Variants in KCNJ15 observed in about 807,000 individuals in gnomAD.
KCNJ15 encodes the protein ATP-sensitive inward rectifier potassium channel 15.
In KCNJ15, 14 loss-of-function variants were observed where a neutral mutation model predicts 23.0. That is an observed-to-expected ratio of 0.61 (90% CI 0.40 to 0.95). KCNJ15 has a LOEUF of 0.95. Among genes scored for constraint, KCNJ15 ranks in the 40% least tolerant of loss-of-function variants. The probability of loss-of-function intolerance (pLI) is 0.00; values close to 1 mark genes in which losing one functional copy is unlikely to be tolerated. For synonymous variants in KCNJ15, 185 were observed against 183.2 expected, an observed-to-expected ratio of 1.01 and a Z score of -0.08; for missense variants, 388 against 461.8, an observed-to-expected ratio of 0.84 and a Z score of 1.46.
chr21:38,261,926 G>A (rs769992374), intron 1 of KCNJ15, among the ~76,000 whole-genome samples: 3 of 152,118 alleles, frequency 2.0e-5, no homozygotes, highest in Non-Finnish European at 2.9e-5. Context: ...TTCTATTAAC[G>A]CTGTTTCCAA....
intron 1 of KCNJ15, among the ~76,000 whole-genome samples, chr21:38,273,455 A>G (rs1018372800): frequency 6.6e-6 from 1 of 152,206 alleles, no homozygotes; most frequent in Non-Finnish European, 1.5e-5. Context: ...CTTTTCTCCC[A>G]ATGTTCAGAA....
intron 1 of KCNJ15, among the ~76,000 whole-genome samples, chr21:38,241,897 A>G (rs1393281407): frequency 1.4e-5 from 2 of 146,422 alleles, no homozygotes; most frequent in Non-Finnish European, 3.0e-5. Context: ...TGAACCAGGG[A>G]GGTGGAAGTT....
intron 1 of KCNJ15, chr21:38,268,995 G>A (rs1214988483): frequency 6.6e-6 from 1 of 152,132 alleles, no homozygotes; most frequent in Non-Finnish European, 1.5e-5. Context: ...ATGGGCTGAG[G>A]GATCCTCCAC....
chr21:38,288,179 T>G (rs1443583413), intron 1 of KCNJ15, among the ~76,000 whole-genome samples: 1 of 151,380 alleles, frequency 6.6e-6, no homozygotes, highest in African/African-American at 2.4e-5. Flanking sequence ...CAGCTGGGAC[T>G]ACAGGCACCT....
At position 38,259,200 on chromosome 21, in the gene KCNJ15, T is replaced by C. The variant is rs150591642; in HGVS notation, c.-117+2015T>C. Among the ~76,000 whole-genome samples, 15 of 152,294 alleles carry C rather than the reference T, an allele frequency of 9.8e-5. No homozygotes were observed. In the East Asian group the frequency reaches 2.9e-3, roughly 29 times the overall value. ...CCTGTGCAATCCCCTCTCATCTGTT[T>C]AGAGACTCAAAGCAGCCCACGAAGT... On this transcript the variant is annotated intron_variant, in intron 1 of 2. Coordinates refer to ENST00000398938, the MANE Select transcript of KCNJ15 (RefSeq NM_170736.3).
At chr21:38,266,940 C>T (rs1367749332) in intron 1 of KCNJ15, among the ~76,000 whole-genome samples, 1 of 152,180 alleles carries the variant, frequency 6.6e-6, no homozygotes, top group Non-Finnish European at 1.5e-5. Context: ...AATGAGAAGT[C>T]ATTGAATATT....
chr21:38,296,773 C>T (rs1209560530), intron 1 of KCNJ15, 153 bp from the exon 2 acceptor site: 2 of 152,874 alleles, frequency 1.3e-5, no homozygotes, highest in African/African-American at 2.4e-5. Flanking sequence ...TAAATCGTTC[C>T]TTGAACCTTT....
intron 1 of KCNJ15, among the ~76,000 whole-genome samples, chr21:38,283,014 G>C (rs116475169): frequency 0.013 from 2,015 of 152,236 alleles, 64 homozygotes; most frequent in African/African-American, 0.047. Flanking sequence ...CAAAGGTATA[G>C]GGCAGGATAT....
intron 1 of KCNJ15, among the ~76,000 whole-genome samples, chr21:38,286,370 C>T (rs1157364092): frequency 6.6e-6 from 1 of 152,258 alleles, no homozygotes. Context: ...CTGTTATTTC[C>T]CCCTCTGTTT....
rs1403737291 is a variant in KCNJ15, at chr21:38,301,422, T to C, written c.*1033T>C. 6.0e-6 allele frequency: 1 copy of C among 167,092 alleles called. No individual in the cohort carries two copies. The highest frequency in any genetic ancestry group is 6.5e-5 in the Admixed American group (1 of 15,288). 10.4% of individuals were successfully genotyped at this position (167,092 alleles called of 1,614,324 possible). A position where few individuals can be genotyped will look rare whatever the true frequency, so the allele number is the denominator to read the frequency against. On this transcript the variant is annotated 3_prime_UTR_variant, in exon 3 of 3. Transcript: ENST00000398938. Reference sequence around the variant, plus strand: ...TCATTTCTTATCTATTAAAATGGCTTGCCCATAAAGGAACTGCATAGGATT... The same window carrying C: ...TCATTTCTTATCTATTAAAATGGCTCGCCCATAAAGGAACTGCATAGGATT...
rs1029888398 is a variant in KCNJ15, at chr21:38,304,087, T to C, written c.*3698T>C. 2 of 151,530 alleles carry C rather than the reference T, an allele frequency of 1.3e-5. No individual in the cohort carries two copies. The highest frequency in any genetic ancestry group is 4.8e-5 in the African/African-American group (2 of 41,332). The allele number at this position is 151,530 out of a possible 1,614,324, so 9.4% of individuals were successfully genotyped here. A position where few individuals can be genotyped will look rare whatever the true frequency, so the allele number is the denominator to read the frequency against. Reference sequence around the variant, plus strand: ...TTTTTTTTTGAACTTGAAAATCAGCTTTTTATTTTTTTTAATTTTATTATT... The same window carrying C: ...TTTTTTTTTGAACTTGAAAATCAGCCTTTTATTTTTTTTAATTTTATTATT... On this transcript the variant is annotated 3_prime_UTR_variant, in exon 3 of 3. Coordinates refer to ENST00000398938, the MANE Select transcript of KCNJ15 (RefSeq NM_170736.3).
chr21:38,248,780 G>A (rs909150266), intron 1 of KCNJ15, among the ~76,000 whole-genome samples: 7 of 152,144 alleles, frequency 4.6e-5, no homozygotes, highest in Non-Finnish European at 1.0e-4. Flanking sequence ...CTCCCTGTCT[G>A]AGTGCAACCA....
intron 1 of KCNJ15, chr21:38,238,688 C>G (rs1234696114): frequency 2.1e-6 from 1 of 471,844 alleles, no homozygotes; most frequent in Non-Finnish European, 4.0e-6. Flanking sequence ...GTTTTAAACT[C>G]TAGGAGGAAT....
intron 1 of KCNJ15, among the ~76,000 whole-genome samples, chr21:38,264,603 A>T (rs1250091812): frequency 3.9e-5 from 6 of 152,252 alleles, no homozygotes; most frequent in Non-Finnish European, 1.5e-5. Flanking sequence ...TTACATCTTT[A>T]CTTTCACCAT....
In KCNJ15 at chr21:38,300,099, G is replaced by C; in HGVS notation, c.838G>C (p.Val280Leu). Residue 280 changes from valine to leucine, a missense_variant, in exon 3 of 3, where the codon GTG (valine) becomes CTG (leucine). Coordinates refer to ENST00000398938, the MANE Select transcript of KCNJ15 (RefSeq NM_170736.3). ...QNLKEKEFELVVLLNATVEST... is the reference protein window; with the variant it reads ...QNLKEKEFELLVLLNATVEST... ...CCTAAAGGAGAAGGAGTTTGAGCTT[G>C]TGGTCCTCCTCAATGCCACTGTGGA... 6.2e-7 allele frequency: 1 copy of C among 1,614,196 alleles called. No individual in the cohort carries two copies. Among genetic ancestry groups the C allele is most frequent in the Non-Finnish European group, 8.5e-7 (1 of 1,180,040 alleles).
chr21:38,258,228 G>A (rs979091923), intron 1 of KCNJ15, among the ~76,000 whole-genome samples: 7 of 152,010 alleles, frequency 4.6e-5, no homozygotes, highest in Non-Finnish European at 7.4e-5. Flanking sequence ...TGAAACAATC[G>A]GTAGTAATAG....
intron 1 of KCNJ15, among the ~76,000 whole-genome samples, chr21:38,291,197 T>C (rs1383905762): frequency 2.0e-5 from 3 of 152,134 alleles, no homozygotes; most frequent in East Asian, 3.8e-4. Context: ...CAAATTCCTT[T>C]ATGTGTATGG....
chr21:38,282,802 G>A (rs897147014), intron 1 of KCNJ15, among the ~76,000 whole-genome samples: 1 of 152,142 alleles, frequency 6.6e-6, no homozygotes, highest in African/African-American at 2.4e-5. Context: ...TATGGGGAAA[G>A]CTAAACTCCA....
intron 1 of KCNJ15, among the ~76,000 whole-genome samples, chr21:38,275,849 ATTTTT>A (rs199667087): frequency 6.6e-6 from 1 of 151,044 alleles, no homozygotes; most frequent in Non-Finnish European, 1.5e-5. Flanking sequence ...TCTTTCTCCT[ATTTTT>A]TTTTCCTACA....
Sources: allele counts gnomAD v4.1 joint callset (sites outside exome capture counted in the v4.1 genomes callset), GRCh38; gene constraint gnomAD v4.1.1; transcripts MANE v1.5; gene names NCBI Gene and HGNC (gene_info 2026-07-23, HGNC 2026-07-21).